Variants in TNNI3K observed in about 807,000 individuals in gnomAD.
TNNI3K encodes TNNI3 interacting kinase.
A neutral mutation model predicts 114.5 loss-of-function variants in TNNI3K; 140 were observed. The observed-to-expected ratio is 1.22, with a 90% CI of 1.07 to 1.41. TNNI3K has a LOEUF of 1.41. Ranked by LOEUF, TNNI3K falls within the 40% of genes most tolerant of loss-of-function variation. The probability of loss-of-function intolerance (pLI) is 0.00; values close to 1 mark genes in which losing one functional copy is unlikely to be tolerated. For missense variants in TNNI3K, 1,125 were observed against 1,007.6 expected (o/e 1.12, Z -1.58); for synonymous variants, 347 against 347.5 (o/e 1.00, Z 0.02).
At chr1:74,349,136 T>A (rs1281462703) in intron 9 of TNNI3K, among the ~76,000 whole-genome samples, 2 of 152,198 alleles carry the variant, frequency 1.3e-5, no homozygotes, top group Non-Finnish European at 2.9e-5. Context: ...TGTGGGTTTG[T>A]CATGCATAGC....
intron 23 of TNNI3K, among the ~76,000 whole-genome samples, chr1:74,513,154 G>A (rs1439376948): frequency 6.6e-6 from 1 of 152,206 alleles, no homozygotes; most frequent in Non-Finnish European, 1.5e-5. Context: ...TTACAGCAGA[G>A]GTAGGTGCCT....
intron 23 of TNNI3K, among the ~76,000 whole-genome samples, chr1:74,526,897 G>A (rs1646510825): frequency 6.6e-6 from 1 of 152,178 alleles, no homozygotes; most frequent in South Asian, 2.1e-4. Context: ...TTGGAATACA[G>A]CCACACTCAT....
chr1:74,390,307 C>T (rs1375678263), intron 17 of TNNI3K, among the ~76,000 whole-genome samples: 3 of 152,078 alleles, frequency 2.0e-5, no homozygotes, highest in Non-Finnish European at 2.9e-5. Context: ...ATTAGACTTA[C>T]CCATTAACAT....
rs760316640 is a variant in TNNI3K at position 74,475,706 on chromosome 1, C to A, written c.2121+12156C>A. 1.0e-5 allele frequency: 7 copies of A among 702,792 alleles called. No individual in the cohort carries two copies. In the South Asian group the frequency reaches 1.1e-4, roughly 11 times the overall value. 43.5% of individuals were successfully genotyped at this position (702,792 alleles called of 1,614,324 possible). Reference sequence around the variant, plus strand: ...GCCTCATGAGCACACAGGGGTTCATCGAAGGTTCTGCAACAAAGGTTTTCT... The same window carrying A: ...GCCTCATGAGCACACAGGGGTTCATAGAAGGTTCTGCAACAAAGGTTTTCT... On this transcript the variant is annotated intron_variant, in intron 21 of 24. Transcript: ENST00000326637.
chr1:74,252,020 G>A (rs556422684), intron 4 of TNNI3K, among the ~76,000 whole-genome samples: 1 of 152,288 alleles, frequency 6.6e-6, no homozygotes, highest in Admixed American at 6.5e-5. Flanking sequence ...AAGGCAGGAG[G>A]TGAAAGTAGA....
chr1:74,258,982 C>T (rs1038397537), intron 4 of TNNI3K, among the ~76,000 whole-genome samples: 2 of 152,300 alleles, frequency 1.3e-5, no homozygotes, highest in South Asian at 2.1e-4. Context: ...TCAAGCGTGG[C>T]AACTCAAATT....
intron 17 of TNNI3K, among the ~76,000 whole-genome samples, chr1:74,409,685 G>A (rs1208235047): frequency 1.3e-5 from 2 of 151,726 alleles, no homozygotes; most frequent in African/African-American, 4.8e-5. Flanking sequence ...GTGGAGATGA[G>A]TTTTCACCTT....
Position 74,544,383 on chromosome 1 carries a change from C to G in TNNI3K, c.*401C>G, listed in dbSNP as rs1308558492. On this transcript the variant is annotated 3_prime_UTR_variant, in exon 25 of 25. Coordinates refer to ENST00000326637, the MANE Select transcript of TNNI3K (RefSeq NM_015978.3). ...ATTTTCTTTTCTCATTATGTTACTT[C>G]TAGTGTTCACCTCTGTGATTAAAGA... 6.3e-6 allele frequency: 1 copy of G among 159,142 alleles called. No individual in the cohort carries two copies. The highest frequency in any genetic ancestry group is 6.5e-5 in the Admixed American group (1 of 15,370). 9.9% of individuals were successfully genotyped at this position (159,142 alleles called of 1,614,324 possible). A position where few individuals can be genotyped will look rare whatever the true frequency, so the allele number is the denominator to read the frequency against.
At chr1:74,342,227 C>G (rs1172677111) in intron 7 of TNNI3K, among the ~76,000 whole-genome samples, 1 of 152,120 alleles carries the variant, frequency 6.6e-6, no homozygotes, top group Non-Finnish European at 1.5e-5. Context: ...GGACACATGT[C>G]TACTACTGAA....
chr1:74,510,265 C>T (rs1055771824), intron 23 of TNNI3K, among the ~76,000 whole-genome samples: 6 of 152,032 alleles, frequency 3.9e-5, no homozygotes, highest in Middle Eastern at 3.4e-3. Flanking sequence ...CCAGCACTTT[C>T]GGAGGCCGAG....
At chr1:74,347,107 C>A (rs143143500) in intron 9 of TNNI3K, among the ~76,000 whole-genome samples, 2 of 150,562 alleles carry the variant, frequency 1.3e-5, no homozygotes, top group African/African-American at 4.9e-5. Context: ...CCATTAACTC[C>A]TCATTTATCA....
At chr1:74,328,049 A>G (rs1660007615) in intron 5 of TNNI3K, among the ~76,000 whole-genome samples, 1 of 152,102 alleles carries the variant, frequency 6.6e-6, no homozygotes, top group Non-Finnish European at 1.5e-5. Context: ...TTTGAAATCA[A>G]TTATCAATAA....
rs145901000 is a variant in TNNI3K, at chr1:74,505,765, C to T, written c.2351+13499C>T. ...TTGATATTTAGTTAATGGCAACTAA[C>T]GAAATCTGAAAAAATACTGGACCCA... On this transcript the variant is annotated intron_variant, in intron 23 of 24. Transcript: ENST00000326637. Among the ~76,000 whole-genome samples the T allele has an allele frequency of 5.6e-4, 85 of 152,036 alleles. 1 individual carries two copies. Among genetic ancestry groups the T allele is most frequent in the African/African-American group, 1.8e-3 (73 of 41,474 alleles).
At chr1:74,359,921 A>T (rs950748640) in intron 11 of TNNI3K, among the ~76,000 whole-genome samples, 8 of 151,800 alleles carry the variant, frequency 5.3e-5, no homozygotes, top group African/African-American at 1.9e-4. Flanking sequence ...TGTATCCTTT[A>T]TTCAATCAGC....
In TNNI3K at chr1:74,347,757, G is replaced by A. The variant is rs559159408; in HGVS notation, c.932+4578G>A. On this transcript the variant is annotated intron_variant, in intron 9 of 24. Coordinates refer to ENST00000326637, the MANE Select transcript of TNNI3K (RefSeq NM_015978.3). ...TGCATCTCTCTGATGGCCAGTGATG[G>A]TGAGCATTTTTTCATGTGTTTTTTG... Among the ~76,000 whole-genome samples, 483 of 152,198 alleles carry A rather than the reference G, an allele frequency of 3.2e-3. 3 individuals are homozygous for A. The highest frequency in any genetic ancestry group is 0.011 in the African/African-American group (442 of 41,534).
intron 24 of TNNI3K, among the ~76,000 whole-genome samples, chr1:74,543,314 C>T (rs1013466593): frequency 1.3e-5 from 2 of 151,946 alleles, no homozygotes; most frequent in African/African-American, 2.4e-5. Flanking sequence ...CCTCATGATT[C>T]GCTCTCTGGG....
chr1:74,249,494 A>G lies in TNNI3K; in HGVS notation c.185A>G (p.Tyr62Cys). ...GCCTTCAGTAAAGTCAATTTAAATT[A>G]CCGCACTGAAAATGGGCTGTCTCTA... ...DEAFSKVNLN[Y>C]RTENGLSLLH... is the part of the protein sequence containing the mutation. Residue 62 changes from tyrosine (Y) to cysteine (C), a missense_variant, in exon 3 of 25, where the codon TAC (tyrosine) becomes TGC (cysteine). Physicochemically the swap from Tyr to Cys is radical, Grantham distance 194. Transcript: ENST00000326637. The G allele has an allele frequency of 6.2e-7, 1 of 1,613,764 alleles. No homozygotes were observed. The highest frequency in any genetic ancestry group is 1.1e-5 in the South Asian group (1 of 91,024).
chr1:74,342,701 T>C, intron 7 of TNNI3K, 141 bp from the exon 8 acceptor site: 2 of 1,123,140 alleles, frequency 1.8e-6, no homozygotes, highest in South Asian at 3.2e-5. Context: ...TGGTCGCCCT[T>C]AATTTCCTTT....
At chr1:74,268,963 CT>C (rs1204311572) in intron 4 of TNNI3K, among the ~76,000 whole-genome samples, 1 of 151,936 alleles carries the variant, frequency 6.6e-6, no homozygotes, top group Non-Finnish European at 1.5e-5. Flanking sequence ...TTGACCTCAT[CT>C]TGAAAATTTC....
Sources: gnomAD v4.1 joint callset for allele counts (sites outside exome capture counted in the v4.1 genomes callset) on GRCh38, gnomAD v4.1.1 for gene constraint, MANE v1.5 for transcripts, NCBI Gene and HGNC (gene_info 2026-07-23, HGNC 2026-07-21) for gene names.